The following C6 variants were observed in gnomAD, a reference collection of about 807,000 sequenced individuals.
C6 encodes the protein complement C6, also known as complement component C6.
A neutral mutation model predicts 112.9 loss-of-function variants in C6; 101 were observed. The observed-to-expected ratio is 0.89, with a 90% CI of 0.76 to 1.06. C6 has a LOEUF of 1.06. C6 is among the 50% of genes least tolerant of loss of function. The pLI, the probability that C6 is intolerant of heterozygous loss-of-function variation, is 0.00. For missense variants in C6, 1,202 were observed against 1,104.6 expected, an observed-to-expected ratio of 1.09 and a Z score of -1.25; for synonymous variants, 431 against 384.1, an observed-to-expected ratio of 1.12 and a Z score of -1.43.
At chr5:41,153,624 G>A (rs192438858) in intron 15 of C6, among the ~76,000 whole-genome samples, 186 bp downstream of exon 15, 33 of 152,262 alleles carry the variant, frequency 2.2e-4, no homozygotes, top group Non-Finnish European at 3.7e-4. Flanking sequence ...AATAAAGGAC[G>A]CAGGATGGCA....
chr5:41,227,804 C>A (rs1188724057), intron 1 of C6, among the ~76,000 whole-genome samples: 1 of 152,068 alleles, frequency 6.6e-6, no homozygotes, highest in Non-Finnish European at 1.5e-5. Flanking sequence ...TTTCTAGGTT[C>A]TCTATTTTGT....
At chr5:41,230,603 T>C (rs1240382452) in intron 1 of C6, among the ~76,000 whole-genome samples, 1 of 152,166 alleles carries the variant, frequency 6.6e-6, no homozygotes, top group Non-Finnish European at 1.5e-5. Context: ...CAGCAGGACA[T>C]AGACCCTCAT....
chr5:41,212,439 G>C (rs189447738), intron 1 of C6, among the ~76,000 whole-genome samples: 1 of 152,160 alleles, frequency 6.6e-6, no homozygotes, highest in African/African-American at 2.4e-5. Context: ...GATTACAAGC[G>C]TGAGCCACCA....
chr5:41,182,583 T>C (rs1744106125), intron 6 of C6, among the ~76,000 whole-genome samples: 1 of 152,160 alleles, frequency 6.6e-6, no homozygotes, highest in African/African-American at 2.4e-5. Flanking sequence ...ATTTCATCTA[T>C]CTTCATAAGC....
chr5:41,146,220 T>A (rs1297045488), intron 17 of C6, among the ~76,000 whole-genome samples: 1 of 152,230 alleles, frequency 6.6e-6, no homozygotes, highest in Non-Finnish European at 1.5e-5. Context: ...TCAGATAAAA[T>A]ACTTAATATC....
chr5:41,202,793 T>C (rs990092052), intron 2 of C6, among the ~76,000 whole-genome samples: 3 of 151,982 alleles, frequency 2.0e-5, no homozygotes, highest in Non-Finnish European at 4.4e-5. Context: ...CAAGCAAAGT[T>C]GTATGCTGAT....
chr5:41,161,288 A>G (rs1326672183), intron 10 of C6, among the ~76,000 whole-genome samples: 1 of 152,176 alleles, frequency 6.6e-6, no homozygotes, highest in Non-Finnish European at 1.5e-5. Flanking sequence ...ATAGAAATGG[A>G]TCTAAAATCT....
intron 1 of C6, among the ~76,000 whole-genome samples, chr5:41,207,532 G>T (rs1188009656): frequency 6.6e-6 from 1 of 152,094 alleles, no homozygotes; most frequent in Non-Finnish European, 1.5e-5. Flanking sequence ...GATAGAGGAA[G>T]ATCTACCAAG....
At chr5:41,149,045 C>A (rs5024275) in intron 17 of C6, among the ~76,000 whole-genome samples, 196 bp downstream of exon 17, 45,338 of 152,104 alleles carry the variant, frequency 0.3, 6,876 homozygotes, top group South Asian at 0.38. Context: ...AAGATATACA[C>A]CCACATTACT....
intron 1 of C6, among the ~76,000 whole-genome samples, chr5:41,245,148 G>T (rs1561203068): frequency 6.6e-6 from 1 of 152,154 alleles, no homozygotes; most frequent in Non-Finnish European, 1.5e-5. Flanking sequence ...TCACAGTAAT[G>T]CTGATCACAT....
At chr5:41,256,099 C>T (rs955923090) in intron 1 of C6, among the ~76,000 whole-genome samples, 3 of 152,098 alleles carry the variant, frequency 2.0e-5, no homozygotes, top group Non-Finnish European at 4.4e-5. Flanking sequence ...TCATCCATGT[C>T]CCTACAAAGG....
Position 41,235,271 on chromosome 5 carries a change from C to T in C6, c.-21+25923G>A, listed in dbSNP as rs1377225801. On this transcript the variant is annotated intron_variant, in intron 1 of 17. Coordinates refer to the C6 transcript ENST00000263413. ...TCCCCAGAGTGTGATATTCCCCTTC[C>T]TGTGTCCATGTGATCTCATTGTTCA... is the stretch of plus-strand genomic sequence containing the variant. 2.3e-5 allele frequency among the ~76,000 whole-genome samples: 3 copies of T among 132,178 alleles called. No individual in the cohort carries two copies. In the East Asian group the frequency reaches 7.0e-4, roughly 31 times the overall value. 86.7% of individuals were successfully genotyped at this position (132,178 alleles called of 152,430 possible). A position where few individuals can be genotyped will look rare whatever the true frequency, so the allele number is the denominator to read the frequency against.
intron 2 of C6, among the ~76,000 whole-genome samples, chr5:41,202,258 G>A (rs1561164348): frequency 1.3e-5 from 2 of 152,106 alleles, no homozygotes; most frequent in Non-Finnish European, 2.9e-5. Flanking sequence ...AAGATTTGAG[G>A]CAGATGAGAG....
intron 5 of C6, among the ~76,000 whole-genome samples, chr5:41,188,495 A>G (rs1050592300): frequency 6.6e-6 from 1 of 152,102 alleles, no homozygotes; most frequent in Non-Finnish European, 1.5e-5. Flanking sequence ...TTGATTTTCA[A>G]CAAGGGTGCC....
intron 1 of C6, among the ~76,000 whole-genome samples, chr5:41,234,753 T>A (rs947582462): frequency 1.3e-5 from 2 of 152,174 alleles, no homozygotes; most frequent in African/African-American, 4.8e-5. Flanking sequence ...TAGTAACTTG[T>A]TAAATCAGCT....
chr5:41,176,825 C>T, intron 7 of C6, 110 bp from the exon 8 acceptor site: 1 of 1,033,240 alleles, frequency 9.7e-7, no homozygotes, highest in Non-Finnish European at 1.4e-6. Context: ...CACAGAATTA[C>T]AATAATTCTC....
In C6 at chr5:41,195,796, T is replaced by C. The variant is rs771068153; in HGVS notation, c.583A>G (p.Asn195Asp). 2.5e-6 allele frequency: 4 copies of C among 1,613,690 alleles called. No homozygotes were observed. The highest frequency in any genetic ancestry group is 3.4e-6 in the Non-Finnish European group (4 of 1,179,816). ...TGATAAAAAGATGTTACATACCCAT[T>C]GCCCATCAACTGTACACTAGGGATG... ...NPIPSVQLMG[N>D]GFHFLAGEPR... Residue 195 changes from asparagine (N) to aspartate (D), a missense_variant, in exon 5 of 18, where the codon AAT (asparagine) becomes GAT (aspartate). By Grantham distance (23) the Asn-to-Asp change is conservative. Transcript: ENST00000337836.
Position 41,149,469 on chromosome 5 carries a change from C to A in C6, c.2395G>T (p.Asp799Tyr), listed in dbSNP as rs1746172648. ...GAGTCTGTGTCAAACACACAGAGAT[C>A]TTCTGAATGATGGCTGCCCAAGAGA... ...PEEDCSHHSE[D>Y]LCVFDTDSND... The change falls in exon 17 of 18, where the codon GAT becomes TAT. Residue 799 changes from aspartate to tyrosine, a missense_variant. Transcript: ENST00000337836. 1 of 1,613,220 alleles carries A rather than the reference C, an allele frequency of 6.2e-7. No homozygotes were observed. The highest frequency in any genetic ancestry group is 2.2e-5 in the East Asian group (1 of 44,878).
chr5:41,217,120 C>T (rs1176013939), upstream of C6, among the ~76,000 whole-genome samples: 1 of 151,996 alleles, frequency 6.6e-6, no homozygotes, highest in Non-Finnish European at 1.5e-5. Flanking sequence ...TATTGTGTAC[C>T]TCTTCTTTGG....
Sources: gnomAD v4.1 joint callset for allele counts (sites outside exome capture counted in the v4.1 genomes callset) on GRCh38, gnomAD v4.1.1 for gene constraint, MANE v1.5 for transcripts, NCBI Gene and HGNC (gene_info 2026-07-23, HGNC 2026-07-21) for gene names.